Variants in DOCK10 observed in about 807,000 individuals in gnomAD.
The protein encoded by DOCK10 is dedicator of cytokinesis protein 10.
DOCK10 carries 145 observed loss-of-function variants against 280.1 expected under a neutral mutation model. The observed-to-expected ratio is 0.52, with a 90% CI of 0.45 to 0.59. The LOEUF is 0.59. DOCK10 is among the 20% of genes least tolerant of loss of function. DOCK10 has a pLI of 0.00. For synonymous variants in DOCK10, 915 were observed against 942.2 expected (o/e 0.97, Z 0.53); for missense variants, 2,368 against 2,651.7 (o/e 0.89, Z 2.35).
chr2:224,779,652 T>G, intron 50 of DOCK10, among the ~76,000 whole-genome samples: 1 of 152,200 alleles, frequency 6.6e-6, no homozygotes, highest in East Asian at 1.9e-4. Context: ...ATAGGCAAAG[T>G]GTTCCAGTGC....
At position 224,886,129 on chromosome 2, in the gene DOCK10, A is replaced by T. The variant is rs944605405; in HGVS notation, c.546T>A (p.Val182=). Residue 182 remains valine, a synonymous_variant, in exon 6 of 56, where the codon GTT becomes GTA. Transcript: ENST00000258390. ...CCTTGTAGAGCCAGCCGGACTTGAAAACACCAGTTCCTCCCGCTCCTCCAC... is the reference window on the plus strand; with the variant it reads ...CCTTGTAGAGCCAGCCGGACTTGAATACACCAGTTCCTCCCGCTCCTCCAC... The part of the protein sequence containing the change: ...KGGGGAGGTG[V]FKSGWLYKGN... 2 of 1,613,712 alleles carry T rather than the reference A, an allele frequency of 1.2e-6. No individual in the cohort carries two copies. The highest frequency in any genetic ancestry group is 3.3e-5 in the Admixed American group (2 of 59,982).
At chr2:224,795,160 A>T in intron 44 of DOCK10, 66 bp from the exon 45 acceptor site, 1 of 1,436,044 alleles carries the variant, frequency 7.0e-7, no homozygotes, top group Non-Finnish European at 9.7e-7. Flanking sequence ...ACTTTAAGTT[A>T]TGCTATTAAT....
intron 14 of DOCK10, among the ~76,000 whole-genome samples, chr2:224,859,790 A>G (rs894359962): frequency 2.0e-5 from 3 of 152,222 alleles, no homozygotes; most frequent in Non-Finnish European, 1.5e-5. Flanking sequence ...CAGGGTATCA[A>G]TTAGGTATTG....
At chr2:225,031,722 C>T (rs1284383512) in intron 1 of DOCK10, among the ~76,000 whole-genome samples, 2 of 152,148 alleles carry the variant, frequency 1.3e-5, no homozygotes, top group Admixed American at 6.5e-5. Context: ...AGACCTTAAG[C>T]CAGAGACTGC....
At chr2:224,986,438 T>A (rs1285755412) in intron 1 of DOCK10, among the ~76,000 whole-genome samples, 3 of 151,868 alleles carry the variant, frequency 2.0e-5, no homozygotes, top group Non-Finnish European at 2.9e-5. Flanking sequence ...AGGCTAAGAG[T>A]TTAAGGGTAG....
intron 1 of DOCK10, among the ~76,000 whole-genome samples, chr2:224,967,441 CATA>C (rs1225483585): frequency 3.9e-5 from 6 of 152,136 alleles, no homozygotes; most frequent in African/African-American, 1.4e-4. Context: ...TAATGATCTC[CATA>C]ATAAGTAAAA....
At chr2:224,799,047 A>G (rs1227893659) in intron 41 of DOCK10, among the ~76,000 whole-genome samples, 4 of 152,242 alleles carry the variant, frequency 2.6e-5, no homozygotes, top group Non-Finnish European at 5.9e-5. Flanking sequence ...GAACTGTGAT[A>G]TGTATAATTT....
chr2:224,886,886 A>ACCCCCCCCCCC (rs879598680), intron 4 of DOCK10, among the ~76,000 whole-genome samples: 19 of 135,252 alleles, frequency 1.4e-4, no homozygotes, highest in African/African-American at 5.5e-4. Context: ...AGCACCCCCA[A>ACCCCCCCCCCC]CACCCCCCCA....
chr2:224,824,977 TA>T lies in DOCK10; in HGVS notation c.3037-1331del, dbSNP rs1321946679. On this transcript the variant is annotated intron_variant, in intron 27 of 55. Transcript: ENST00000258390. Reference sequence around the variant, plus strand: ...GTTGGAGCTGGTTTAGGCTGGCTTCTATTTTTTTTTTTTTTTTTTTGAGATG... The same window carrying T: ...GTTGGAGCTGGTTTAGGCTGGCTTCTTTTTTTTTTTTTTTTTTTTGAGATG... Among the ~76,000 whole-genome samples, 50 of 135,460 alleles carry T rather than the reference TA, an allele frequency of 3.7e-4. 1 individual carries two copies. Among genetic ancestry groups the T allele is most frequent in the Admixed American group, 1.3e-3 (18 of 14,112 alleles). 88.9% of individuals were successfully genotyped at this position (135,460 alleles called of 152,430 possible).
At chr2:224,841,047 G>T (rs976006259) in intron 23 of DOCK10, among the ~76,000 whole-genome samples, 1 of 152,120 alleles carries the variant, frequency 6.6e-6, no homozygotes, top group South Asian at 2.1e-4. Context: ...TTATATGTGG[G>T]ATCTAAAAAA....
intron 31 of DOCK10, among the ~76,000 whole-genome samples, chr2:224,810,004 A>AG (rs1021259671): frequency 6.6e-6 from 1 of 151,654 alleles, no homozygotes; most frequent in Non-Finnish European, 1.5e-5. Context: ...AAAAAAAAAA[A>AG]AAAAGAAATC....
At chr2:224,956,625 GAAAAAAAAA>G (rs3083983) in intron 1 of DOCK10, among the ~76,000 whole-genome samples, 1 of 78,656 alleles carries the variant, frequency 1.3e-5, no homozygotes, top group Non-Finnish European at 2.3e-5. Context: ...CGCTACCTCA[GAAAAAAAAA>G]AAAAAAAAAA....
chr2:224,988,918 A>G (rs531994499), intron 1 of DOCK10, among the ~76,000 whole-genome samples: 4 of 152,192 alleles, frequency 2.6e-5, no homozygotes, highest in Non-Finnish European at 4.4e-5. Context: ...GGCTCCCTTT[A>G]TCATTACTTG....
At chr2:224,961,085 G>C (rs956887745) in intron 1 of DOCK10, among the ~76,000 whole-genome samples, 4 of 152,076 alleles carry the variant, frequency 2.6e-5, no homozygotes, top group Non-Finnish European at 4.4e-5. Flanking sequence ...AATCCTCCTC[G>C]TTGCAGCAAC....
At position 224,810,140 on chromosome 2, in the gene DOCK10, T is replaced by C. The variant is rs552490451; in HGVS notation, c.3410-2054A>G. Among the ~76,000 whole-genome samples, 16 of 152,170 alleles carry C rather than the reference T, an allele frequency of 1.1e-4. No individual in the cohort carries two copies. In the East Asian group the frequency reaches 2.7e-3, roughly 26 times the overall value. ...GGAATCTAAAGAAATCAAACTCTGGTGGACAATAAGAGAATACTTGATAGG... is the reference window on the plus strand; with the variant it reads ...GGAATCTAAAGAAATCAAACTCTGGCGGACAATAAGAGAATACTTGATAGG... On this transcript the variant is annotated intron_variant, in intron 31 of 55. Transcript: ENST00000258390.
chr2:225,039,820 A>C (rs1320771111), intron 1 of DOCK10, among the ~76,000 whole-genome samples: 2 of 152,170 alleles, frequency 1.3e-5, no homozygotes, highest in Non-Finnish European at 2.9e-5. Flanking sequence ...ATCTTTTGGC[A>C]ATGTCCTGGA....
chr2:224,823,436 T>G, intron 28 of DOCK10, 65 bp downstream of exon 28: 1 of 1,379,716 alleles, frequency 7.2e-7, no homozygotes. Flanking sequence ...CTGATGAAAG[T>G]TTAGACTATC....
intron 19 of DOCK10, among the ~76,000 whole-genome samples, chr2:224,849,262 C>CTA (rs1448387575): frequency 1.3e-5 from 2 of 152,242 alleles, no homozygotes; most frequent in Non-Finnish European, 2.9e-5. Context: ...GCGTGAGCCA[C>CTA]TATACCCGGC....
Position 224,775,229 on chromosome 2 carries a change from G to A in DOCK10, c.5803-114C>T. 4.4e-6 allele frequency: 4 copies of A among 907,102 alleles called. No individual in the cohort carries two copies. The Admixed American group carries it at 6.5e-5, about 15-fold the overall frequency. 56.2% of individuals were successfully genotyped at this position (907,102 alleles called of 1,614,324 possible). A position where few individuals can be genotyped will look rare whatever the true frequency, so the allele number is the denominator to read the frequency against. On this transcript the variant is annotated intron_variant, in intron 51 of 55. Transcript: ENST00000258390. The stretch of plus-strand genomic sequence containing the variant: ...AGGAGGCTGTGCCTCTCCCCTTGGA[G>A]AAAAATGGGCAGTCACATCATTTCA...
Sources: allele counts gnomAD v4.1 joint callset (sites outside exome capture counted in the v4.1 genomes callset), GRCh38; gene constraint gnomAD v4.1.1; transcripts MANE v1.5; gene names NCBI Gene and HGNC (gene_info 2026-07-23, HGNC 2026-07-21).